The following LAPTM5 variants were observed in gnomAD, a reference collection of about 807,000 sequenced individuals.
LAPTM5 encodes lysosomal-associated transmembrane protein 5.
Under a neutral mutation model 30.1 loss-of-function variants are expected in LAPTM5, and 11 were observed. The ratio of observed to expected loss-of-function variants is 0.37; its 90% CI spans 0.23 to 0.60. The LOEUF (loss-of-function observed/expected upper bound fraction) is 0.60. LAPTM5 is among the 20% of genes least tolerant of loss of function. LAPTM5 has a pLI of 0.71. For synonymous variants in LAPTM5, 151 were observed against 137.9 expected (o/e 1.10, Z -0.67); for missense variants, 324 against 332.5 (o/e 0.97, Z 0.20).
In LAPTM5 at chr1:30,735,107, G is replaced by A. The variant is rs537360651; in HGVS notation, c.699+66C>T. 1.2e-4 allele frequency: 142 copies of A among 1,150,570 alleles called. 1 individual carries two copies. Among genetic ancestry groups the A allele is most frequent in the Admixed American group, 6.4e-4 (38 of 58,942 alleles). 71.3% of individuals were successfully genotyped at this position (1,150,570 alleles called of 1,614,324 possible). A position where few individuals can be genotyped will look rare whatever the true frequency, so the allele number is the denominator to read the frequency against. On this transcript the variant is annotated intron_variant, in intron 7 of 7. Transcript: ENST00000294507. ...AGAAACCAAGGTCCAGAGAGGGAAG[G>A]AAACTTGACCCAAATGGCACAGGGA...
chr1:30,753,654 G>A (rs1006456425), intron 1 of LAPTM5, among the ~76,000 whole-genome samples: 4 of 152,272 alleles, frequency 2.6e-5, no homozygotes, highest in Non-Finnish European at 5.9e-5. Context: ...ATACCAAGAG[G>A]AACCTAAGGA....
Position 30,739,129 on chromosome 1 carries a change from A to G in LAPTM5, c.388-67T>C, listed in dbSNP as rs1293525593. ...ATTAAAGTCCCAGTTACTGAGCGGC[A>G]CATAGTAGGCCCTCACTTGAGAGAC... On this transcript the variant is annotated intron_variant, in intron 4 of 7. Transcript: ENST00000294507. This position sits in a 1 kb window ranked among gnomAD's most constrained non-coding sequence, Gnocchi z 4.2. 2.0e-6 allele frequency: 3 copies of G among 1,536,352 alleles called. No homozygotes were observed. The highest frequency in any genetic ancestry group is 2.6e-6 in the Non-Finnish European group (3 of 1,137,364).
At chr1:30,748,020 G>A (rs192319085) in intron 1 of LAPTM5, among the ~76,000 whole-genome samples, 57 of 152,156 alleles carry the variant, frequency 3.7e-4, no homozygotes, top group African/African-American at 1.3e-3. Flanking sequence ...CCCGATTCTG[G>A]GGTTCAAAGA....
chr1:30,755,787 A>C (rs1008057271), intron 1 of LAPTM5, among the ~76,000 whole-genome samples: 1 of 152,230 alleles, frequency 6.6e-6, no homozygotes, highest in African/African-American at 2.4e-5. Flanking sequence ...AATCACTAGC[A>C]TTGAAACATC....
chr1:30,751,826 G>T (rs552896439), intron 1 of LAPTM5, among the ~76,000 whole-genome samples: 3 of 152,144 alleles, frequency 2.0e-5, no homozygotes, highest in Non-Finnish European at 4.4e-5. Flanking sequence ...CTTCGCTAGG[G>T]TCTCCTCCAA....
At chr1:30,751,122 G>T (rs943692557) in intron 1 of LAPTM5, among the ~76,000 whole-genome samples, 1 of 152,276 alleles carries the variant, frequency 6.6e-6, no homozygotes, top group African/African-American at 2.4e-5. Context: ...TCTCGGCCAG[G>T]CCAGGCTAGG....
intron 1 of LAPTM5, among the ~76,000 whole-genome samples, chr1:30,750,320 A>C (rs529423130): frequency 6.6e-6 from 1 of 152,324 alleles, no homozygotes; most frequent in Admixed American, 6.5e-5. Context: ...AAAGACCCAC[A>C]ATAGTGATAA....
intron 6 of LAPTM5, 39 bp from the exon 7 acceptor site, chr1:30,735,304 G>A (rs776789935): frequency 3.4e-5 from 53 of 1,549,460 alleles, no homozygotes; most frequent in East Asian, 9.0e-5. Flanking sequence ...TTTGCTGAGC[G>A]TCCTTCTCAC....
chr1:30,749,082 G>A (rs1640091137), intron 1 of LAPTM5, among the ~76,000 whole-genome samples: 1 of 152,206 alleles, frequency 6.6e-6, no homozygotes, highest in Admixed American at 6.5e-5. Flanking sequence ...ACAGCCCCAA[G>A]CTGGAATCAA....
intron 1 of LAPTM5, among the ~76,000 whole-genome samples, chr1:30,744,583 A>C (rs1026582864): frequency 2.0e-5 from 3 of 152,214 alleles, no homozygotes; most frequent in Non-Finnish European, 2.9e-5. Context: ...GCCTAGAATC[A>C]GATCATCTCA....
chr1:30,736,707 A>G lies in LAPTM5; in HGVS notation c.606+897T>C, dbSNP rs554811037. Among the ~76,000 whole-genome samples, 28 of 152,260 alleles carry G rather than the reference A, an allele frequency of 1.8e-4. 1 individual carries two copies. The highest frequency in any genetic ancestry group is 6.0e-4 in the African/African-American group (25 of 41,540). On this transcript the variant is annotated intron_variant, in intron 6 of 7. Transcript: ENST00000294507. ...CAATTCAGCCTCCCAAAGCACTGGG[A>G]TTACAGATGTGAGCCACCACATCCA...
In LAPTM5 at chr1:30,739,937, T is replaced by C. The variant is rs1436630470; in HGVS notation, c.259A>G (p.Asn87Asp). Reference protein sequence around the residue: ...SLSLLIGVVKNREKYLLPFLS... With the variant: ...SLSLLIGVVKDREKYLLPFLS... ...AAGGGCAGCAGGTACTTCTCCCGGT[T>C]CTGAAAGGTAGGCCCAGCACCGTCA... The change falls in exon 4 of 8, where the codon AAC (asparagine) becomes GAC (aspartate). Residue 87 changes from asparagine (N) to aspartate (D), a missense_variant and splice_region_variant. Transcript: ENST00000294507. This position sits in a 1 kb window ranked among gnomAD's most constrained non-coding sequence, Gnocchi z 4.2. 7.5e-6 allele frequency: 12 copies of C among 1,592,874 alleles called. No homozygotes were observed. The highest frequency in any genetic ancestry group is 1.0e-5 in the Non-Finnish European group (12 of 1,167,980).
chr1:30,756,030 A>G (rs879630602), intron 1 of LAPTM5, among the ~76,000 whole-genome samples: 2 of 152,088 alleles, frequency 1.3e-5, no homozygotes, highest in Non-Finnish European at 2.9e-5. Context: ...AGTCAACATC[A>G]CCTTACCCCT....
intron 7 of LAPTM5, 41 bp downstream of exon 7, chr1:30,735,132 A>T: frequency 7.1e-7 from 1 of 1,405,034 alleles, no homozygotes; most frequent in Non-Finnish European, 1.0e-6. Flanking sequence ...TGGCACAGGG[A>T]GTTAGTGACA....
rs778086367 is a variant in LAPTM5, at chr1:30,741,747, A to T, written c.182-31T>A. The T allele has an allele frequency of 1.9e-6, 3 of 1,556,382 alleles. No homozygotes were observed. In the East Asian group the frequency reaches 6.9e-5, roughly 36 times the overall value. On this transcript the variant is annotated intron_variant, in intron 2 of 7. Coordinates refer to ENST00000294507, the MANE Select transcript of LAPTM5 (RefSeq NM_006762.3). Reference sequence around the variant, plus strand: ...AGGCAAGGAGAGCAGGGAGGTGCTCAGGGGTGCCCCTGGGACCCCAGCCAG... The same window carrying T: ...AGGCAAGGAGAGCAGGGAGGTGCTCTGGGGTGCCCCTGGGACCCCAGCCAG...
chr1:30,735,414 G>T, intron 6 of LAPTM5, 149 bp from the exon 7 acceptor site: 4 of 666,954 alleles, frequency 6.0e-6, no homozygotes, highest in Admixed American at 4.8e-5. Context: ...CTGGTTGGGG[G>T]TTCCTCACCA....
At chr1:30,752,137 C>A (rs780174981) in intron 1 of LAPTM5, among the ~76,000 whole-genome samples, 3 of 152,158 alleles carry the variant, frequency 2.0e-5, no homozygotes, top group Non-Finnish European at 2.9e-5. Context: ...ACAGACACAC[C>A]ACCCCAGCCA....
intron 6 of LAPTM5, among the ~76,000 whole-genome samples, chr1:30,735,556 C>T (rs930444474): frequency 7.2e-5 from 11 of 152,238 alleles, no homozygotes; most frequent in Admixed American, 6.5e-4. Context: ...GCTTGACTGC[C>T]CACACTGCCT....
At position 30,740,303 on chromosome 1, in the gene LAPTM5, C is replaced by T. The variant is rs1050764281; in HGVS notation, c.259-366G>A. Among the ~76,000 whole-genome samples, 14 of 152,016 alleles carry T rather than the reference C, an allele frequency of 9.2e-5. No individual in the cohort carries two copies. The South Asian group carries it at 1.9e-3, about 20-fold the overall frequency. On this transcript the variant is annotated intron_variant, in intron 3 of 7. Coordinates refer to ENST00000294507, the MANE Select transcript of LAPTM5 (RefSeq NM_006762.3). ...GGAGGTGGGGACACCAGGGCTAGATCGGGGAAGGAGACTAGGAGTGAACAG... is the reference window on the plus strand; with the variant it reads ...GGAGGTGGGGACACCAGGGCTAGATTGGGGAAGGAGACTAGGAGTGAACAG...
Sources: gnomAD v4.1 joint callset for allele counts (sites outside exome capture counted in the v4.1 genomes callset) on GRCh38, gnomAD v4.1.1 for gene constraint, Gnocchi (gnomAD v3.1) non-coding constraint, MANE v1.5 for transcripts, NCBI Gene and HGNC (gene_info 2026-07-23, HGNC 2026-07-21) for gene names.